Variants in GALK2 observed in about 807,000 individuals in gnomAD.
The protein encoded by GALK2 is galactokinase 2.
GALK2 carries 36 observed loss-of-function variants against 52.4 expected under a neutral mutation model. That is an observed-to-expected ratio of 0.69 (90% confidence interval 0.53 to 0.91). The LOEUF is 0.91. GALK2 is among the 40% of genes least tolerant of loss of function. The probability of loss-of-function intolerance (pLI) is 0.00; values close to 1 mark genes in which losing one functional copy is unlikely to be tolerated. For missense variants in GALK2, 579 were observed against 559.1 expected, an observed-to-expected ratio of 1.04 and a Z score of -0.36; for synonymous variants, 176 against 199.1, an observed-to-expected ratio of 0.88 and a Z score of 0.98.
intron 5 of GALK2, among the ~76,000 whole-genome samples, chr15:49,249,658 T>C (rs1285081181): frequency 1.3e-5 from 2 of 152,178 alleles, no homozygotes; most frequent in African/African-American, 4.8e-5. Context: ...AAAGAGACTC[T>C]CCTCCCTGTC....
At chr15:49,337,954 G>T (rs916027879) in intron 3 of GALK2, among the ~76,000 whole-genome samples, 3 of 152,202 alleles carry the variant, frequency 2.0e-5, no homozygotes, top group Admixed American at 6.5e-5. Flanking sequence ...GAACACTGCC[G>T]CAATAAACAT....
chr15:49,175,229 T>C (rs2085358608), intron 1 of GALK2, among the ~76,000 whole-genome samples: 1 of 152,176 alleles, frequency 6.6e-6, no homozygotes, highest in Non-Finnish European at 1.5e-5. Context: ...GCACAGCCTT[T>C]ATAGGCTGGC....
intron 1 of GALK2, among the ~76,000 whole-genome samples, chr15:49,189,809 T>C (rs1276365112): frequency 6.6e-6 from 1 of 152,218 alleles, no homozygotes; most frequent in Non-Finnish European, 1.5e-5. Flanking sequence ...GATTTTATTA[T>C]GCTACTCAGA....
intron 1 of GALK2, among the ~76,000 whole-genome samples, chr15:49,192,477 A>ATATATATGTATATATATG (rs2086800077): frequency 1.4e-5 from 1 of 73,820 alleles, no homozygotes; most frequent in Admixed American, 1.8e-4. Context: ...TGAATATTAT[A>ATATATATGTATATATATG]TATATATGTA....
chr15:49,163,805 G>T (rs1342370005), intron 1 of GALK2, among the ~76,000 whole-genome samples: 1 of 152,154 alleles, frequency 6.6e-6, no homozygotes, highest in Non-Finnish European at 1.5e-5. Context: ...CTTGCTTATA[G>T]AAGATTCTCA....
At chr15:49,197,613 TTG>T (rs1354807294) in intron 1 of GALK2, among the ~76,000 whole-genome samples, 1 of 152,200 alleles carries the variant, frequency 6.6e-6, no homozygotes, top group Non-Finnish European at 1.5e-5. Context: ...TTATGAAAGT[TTG>T]TGTTAAATAC....
intron 5 of GALK2, among the ~76,000 whole-genome samples, chr15:49,250,512 T>G (rs2091546261): frequency 6.6e-6 from 1 of 152,198 alleles, no homozygotes; most frequent in Non-Finnish European, 1.5e-5. Flanking sequence ...GAGGAAAATA[T>G]GAGGCTCAGA....
intron 5 of GALK2, among the ~76,000 whole-genome samples, chr15:49,277,988 T>C (rs1022105283): frequency 2.0e-5 from 3 of 151,108 alleles, no homozygotes; most frequent in African/African-American, 4.9e-5. Flanking sequence ...TAGGGCTGGG[T>C]GCGGTGGCTC....
intron 1 of GALK2, among the ~76,000 whole-genome samples, chr15:49,181,509 T>C (rs1395983825): frequency 3.7e-5 from 5 of 136,896 alleles, no homozygotes; most frequent in Non-Finnish European, 8.3e-5. Flanking sequence ...GACTTTTTTT[T>C]TTTTTTTTTT....
chr15:49,305,362 A>G (rs1204748959), intron 8 of GALK2, among the ~76,000 whole-genome samples: 3 of 152,192 alleles, frequency 2.0e-5, no homozygotes, highest in East Asian at 1.9e-4. Context: ...CCACCACTCT[A>G]TATTCAGGGT....
chr15:49,361,163 C>G (rs949984751), intron 3 of GALK2, among the ~76,000 whole-genome samples: 1 of 151,910 alleles, frequency 6.6e-6, no homozygotes, highest in Non-Finnish European at 1.5e-5. Flanking sequence ...TCACTTTTTA[C>G]CCCATAAATA....
At chr15:49,270,228 A>G (rs555913088) in intron 5 of GALK2, among the ~76,000 whole-genome samples, 1 of 152,344 alleles carries the variant, frequency 6.6e-6, no homozygotes, top group Admixed American at 6.5e-5. Context: ...GAAAAGAATA[A>G]AAACATACCA....
At chr15:49,156,351 A>G (rs2141140623) in intron 1 of GALK2, 1 of 409,016 alleles carries the variant, frequency 2.4e-6, no homozygotes, top group Non-Finnish European at 4.7e-6. Flanking sequence ...GACTCGCGGG[A>G]TCAGGAATTT....
intron 3 of GALK2, among the ~76,000 whole-genome samples, chr15:49,342,008 G>A (rs1041508568): frequency 6.6e-6 from 1 of 152,100 alleles, no homozygotes; most frequent in Admixed American, 6.5e-5. Flanking sequence ...TATTTTCTGT[G>A]GTTGATGGGT....
chr15:49,235,474 T>C (rs2090753601), intron 3 of GALK2, among the ~76,000 whole-genome samples: 1 of 152,174 alleles, frequency 6.6e-6, no homozygotes, highest in Non-Finnish European at 1.5e-5. Context: ...AGAGATGGCT[T>C]TGAGTACTCT....
intron 3 of GALK2, chr15:49,223,104 T>A (rs1369926790): frequency 6.6e-6 from 1 of 152,202 alleles, no homozygotes; most frequent in African/African-American, 2.4e-5. Context: ...CTTCCTGATT[T>A]AATCTTGGTA....
At position 49,170,353 on chromosome 15, in the gene GALK2, G is replaced by T. The variant is rs750741381; in HGVS notation, c.31G>T (p.Val11Phe). The T allele has an allele frequency of 5.6e-6, 9 of 1,593,028 alleles. No homozygotes were observed. Among genetic ancestry groups the T allele is most frequent in the South Asian group, 3.4e-5 (3 of 87,156 alleles). The change falls in exon 1 of 10, where the codon GTC (valine) becomes TTC (phenylalanine). Residue 11 changes from valine (V) to phenylalanine (F), a missense_variant. Val to Phe is a conservative substitution (Grantham distance 50). Transcript: ENST00000560031. Reference protein sequence around the residue: MATESPATRRVQVAEHPRLLK... With the variant: MATESPATRRFQVAEHPRLLK... ...TACAGAGAGCCCTGCTACGCGTCGG[G>T]TCCAGGTGGCAGAACATCCTAGGTG...
chr15:49,295,854 A>G (rs934771517), intron 8 of GALK2, among the ~76,000 whole-genome samples: 3 of 152,084 alleles, frequency 2.0e-5, no homozygotes, highest in African/African-American at 4.8e-5. Context: ...TCCACAACCT[A>G]TTCTCTTGCT....
intron 3 of GALK2, among the ~76,000 whole-genome samples, chr15:49,363,174 T>A (rs1219020856): frequency 6.6e-6 from 1 of 152,190 alleles, no homozygotes; most frequent in African/African-American, 2.4e-5. Flanking sequence ...TCATTGGTAG[T>A]TTGATAGGAA....
Sources: gnomAD v4.1 joint callset for allele counts (sites outside exome capture counted in the v4.1 genomes callset) on GRCh38, gnomAD v4.1.1 for gene constraint, MANE v1.5 for transcripts, NCBI Gene and HGNC (gene_info 2026-07-23, HGNC 2026-07-21) for gene names.